The following ALK variants were observed in gnomAD, a reference collection of about 807,000 sequenced individuals.
The protein encoded by ALK is ALK tyrosine kinase receptor.
Under a neutral mutation model 163.1 loss-of-function variants are expected in ALK, and 74 were observed. That is an observed-to-expected ratio of 0.45 (90% CI 0.38 to 0.55). The LOEUF (loss-of-function observed/expected upper bound fraction) is 0.55, where lower values mean the gene tolerates loss of function less well. Ranked by LOEUF, ALK falls within the 20% of genes least tolerant of loss-of-function variation. The pLI, the probability that ALK is intolerant of heterozygous loss-of-function variation, is 0.00. For missense variants in ALK, 2,063 were observed against 2,105.3 expected (o/e 0.98, Z 0.39); for synonymous variants, 960 against 843.2 (o/e 1.14, Z -2.40).
At chr2:29,753,711 C>T (rs1011411895) in intron 1 of ALK, among the ~76,000 whole-genome samples, 3 of 152,208 alleles carry the variant, frequency 2.0e-5, no homozygotes, top group Non-Finnish European at 4.4e-5. Context: ...AGGGCAATTT[C>T]CAATTTCATC....
intron 1 of ALK, among the ~76,000 whole-genome samples, chr2:29,730,707 G>A (rs1391208515): frequency 6.6e-6 from 1 of 152,176 alleles, no homozygotes; most frequent in Non-Finnish European, 1.5e-5. Context: ...ATGATCCACT[G>A]GAGTAAAGAG....
chr2:29,365,619 A>C (rs558729235), intron 5 of ALK, among the ~76,000 whole-genome samples: 1 of 152,334 alleles, frequency 6.6e-6, no homozygotes, highest in South Asian at 2.1e-4. Context: ...CCAGGAGATA[A>C]TTTGGTGTAA....
chr2:29,773,821 G>C (rs1188103768), intron 1 of ALK, among the ~76,000 whole-genome samples: 1 of 152,212 alleles, frequency 6.6e-6, no homozygotes, highest in Non-Finnish European at 1.5e-5. Flanking sequence ...TTAGAATCGT[G>C]AAGGGAACAA....
intron 3 of ALK, among the ~76,000 whole-genome samples, chr2:29,686,194 T>C (rs1286261860): frequency 6.6e-6 from 1 of 152,222 alleles, no homozygotes; most frequent in Non-Finnish European, 1.5e-5. Context: ...CTCTATGCTG[T>C]GATCCCTCCT....
At chr2:29,805,208 T>C (rs1219390483) in intron 1 of ALK, among the ~76,000 whole-genome samples, 4 of 152,178 alleles carry the variant, frequency 2.6e-5, no homozygotes, top group Admixed American at 1.3e-4. Flanking sequence ...GCAGCTAACA[T>C]AACAGACAAG....
At chr2:29,860,447 G>A (rs1244985189) in intron 1 of ALK, among the ~76,000 whole-genome samples, 1 of 149,010 alleles carries the variant, frequency 6.7e-6, no homozygotes, top group Non-Finnish European at 1.5e-5. Flanking sequence ...GATACCAATA[G>A]CAATTATCAA....
At chr2:29,593,493 T>C (rs971487777) in intron 3 of ALK, among the ~76,000 whole-genome samples, 2 of 152,216 alleles carry the variant, frequency 1.3e-5, no homozygotes, top group African/African-American at 4.8e-5. Context: ...TATTTCCCAC[T>C]GCAAAACTTG....
At chr2:29,340,489 C>T (rs55708108) in intron 5 of ALK, among the ~76,000 whole-genome samples, 22,978 of 152,030 alleles carry the variant, frequency 0.15, 1,847 homozygotes, top group African/African-American at 0.18. Context: ...GGTCATCCTG[C>T]CCCCATGACA....
intron 4 of ALK, among the ~76,000 whole-genome samples, chr2:29,479,880 A>T (rs2148117240): frequency 6.6e-6 from 1 of 152,364 alleles, no homozygotes; most frequent in Non-Finnish European, 1.5e-5. Flanking sequence ...TGGGAAAAGG[A>T]CATGAGAGTC....
intron 6 of ALK, among the ~76,000 whole-genome samples, chr2:29,322,848 AAAAC>A (rs916726967): frequency 1.3e-5 from 2 of 152,176 alleles, no homozygotes; most frequent in African/African-American, 4.8e-5. Context: ...CAAACAAGCA[AAAAC>A]AAACAAACAA....
At chr2:29,525,676 G>A (rs891576468) in intron 4 of ALK, among the ~76,000 whole-genome samples, 23 of 151,402 alleles carry the variant, frequency 1.5e-4, no homozygotes, top group African/African-American at 3.9e-4. Context: ...TGTAATCCCA[G>A]CTACTCAGGA....
chr2:29,715,688 C>A (rs1679228999), intron 2 of ALK, among the ~76,000 whole-genome samples: 2 of 152,200 alleles, frequency 1.3e-5, no homozygotes, highest in African/African-American at 4.8e-5. Flanking sequence ...TACTGAATGA[C>A]TTTGGGAGCA....
chr2:29,870,297 A>ATC (rs1666544479), intron 1 of ALK, among the ~76,000 whole-genome samples: 1 of 152,244 alleles, frequency 6.6e-6, no homozygotes. Flanking sequence ...GGCCTCAGGA[A>ATC]ACTTACAATA....
intron 3 of ALK, among the ~76,000 whole-genome samples, chr2:29,547,922 T>C (rs1186398441): frequency 6.6e-6 from 1 of 152,224 alleles, no homozygotes; most frequent in African/African-American, 2.4e-5. Context: ...ATTTTATTAG[T>C]GAAAATATAT....
intron 4 of ALK, among the ~76,000 whole-genome samples, chr2:29,518,444 G>A (rs933070023): frequency 6.6e-6 from 1 of 152,182 alleles, no homozygotes. Context: ...AAAACTTGAG[G>A]ATTCTCCATT....
At chr2:29,713,666 A>C (rs1366122158) in intron 2 of ALK, among the ~76,000 whole-genome samples, 1 of 152,218 alleles carries the variant, frequency 6.6e-6, no homozygotes, top group Non-Finnish European at 1.5e-5. Context: ...GTCCAGGTTC[A>C]TTCTTTTCTA....
intron 9 of ALK, among the ~76,000 whole-genome samples, chr2:29,291,798 C>T (rs1416785581): frequency 6.6e-6 from 1 of 152,198 alleles, no homozygotes; most frequent in East Asian, 1.9e-4. Flanking sequence ...TTTCCACTCA[C>T]TGAAATCTAC....
chr2:29,214,085 T>C lies in ALK; in HGVS notation c.3646-4A>G, dbSNP rs1167289232. On this transcript the variant is annotated splice_polypyrimidine_tract_variant and splice_region_variant and intron_variant, in intron 23 of 28. Coordinates refer to ENST00000389048, the MANE Select transcript of ALK (RefSeq NM_004304.5). The stretch of plus-strand genomic sequence containing the variant: ...TGGCCAGGGAGGAGGGCTGGCTCTG[T>C]GGGGAGACAGAAGCGGGCCACTGAC... 1 of 1,613,392 alleles carries C rather than the reference T, an allele frequency of 6.2e-7. No homozygotes were observed. The highest frequency in any genetic ancestry group is 1.3e-5 in the African/African-American group (1 of 74,918).
intron 5 of ALK, 61 bp from the exon 6 acceptor site, chr2:29,328,542 C>T: frequency 3.1e-6 from 5 of 1,612,126 alleles, no homozygotes; most frequent in Non-Finnish European, 4.2e-6. Context: ...AGCAGCTGGC[C>T]TGATGGGTTG....
Sources: allele counts gnomAD v4.1 joint callset (sites outside exome capture counted in the v4.1 genomes callset), GRCh38; gene constraint gnomAD v4.1.1; transcripts MANE v1.5; gene names NCBI Gene and HGNC (gene_info 2026-07-23, HGNC 2026-07-21).